The following ANKRD2 variants were observed in gnomAD, a reference collection of about 807,000 sequenced individuals.
ANKRD2 encodes ankyrin repeat domain-containing protein 2.
ANKRD2 carries 35 observed loss-of-function variants against 37.3 expected under a neutral mutation model. The ratio of observed to expected loss-of-function variants is 0.94; its 90% CI spans 0.72 to 1.24. The LOEUF is 1.24. ANKRD2 is among the 50% of genes most tolerant of loss of function. The pLI is 0.00. For synonymous variants in ANKRD2, 159 were observed against 186.5 expected (o/e 0.85, Z 1.20); for missense variants, 410 against 445.6 (o/e 0.92, Z 0.72).
Position 97,582,357 on chromosome 10 carries a change from G to A in ANKRD2, c.697G>A (p.Val233Met), listed in dbSNP as rs1201965823. ...PLHVAVRTGQ[V>M]EIVEHFLSLG... ...GCACGTGGCAGTCCGGACAGGGCAG[G>A]TGGAGATTGTGGAGCACTTTCTATC... Residue 233 changes from valine (V) to methionine (M), a missense_variant, in exon 7 of 9, where the codon GTG becomes ATG. Val to Met is a conservative substitution (Grantham distance 21). Coordinates refer to ENST00000370655, the MANE Select transcript of ANKRD2 (RefSeq NM_001346793.2). 4.5e-6 allele frequency: 7 copies of A among 1,561,214 alleles called. No individual in the cohort carries two copies. In the African/African-American group the frequency reaches 5.4e-5, roughly 12 times the overall value.
At chr10:97,577,981 G>T in intron 2 of ANKRD2, 80 bp downstream of exon 2, 1 of 1,376,492 alleles carries the variant, frequency 7.3e-7, no homozygotes, top group Admixed American at 2.3e-5. Flanking sequence ...TCCCCACGTG[G>T]CCCATGGACC....
rs765212446 is a variant in ANKRD2 at position 97,578,277 on chromosome 10, G to A, written c.227G>A (p.Arg76Gln). Residue 76 changes from arginine to glutamine, a missense_variant, in exon 3 of 9, where the codon CGG (arginine) becomes CAG (glutamine). By Grantham distance (43) the Arg-to-Gln change is conservative. Transcript: ENST00000370655. Reference sequence around the variant, plus strand: ...GTGCGCAAGACGTCCCTGGACCTGCGGCGGGAGATCATCGATGTGGGCGGG... The same window carrying A: ...GTGCGCAAGACGTCCCTGGACCTGCAGCGGGAGATCATCGATGTGGGCGGG... ...ERVRKTSLDL[R>Q]REIIDVGGIQ... 7 of 1,612,870 alleles carry A rather than the reference G, an allele frequency of 4.3e-6. No individual in the cohort carries two copies. The highest frequency in any genetic ancestry group is 1.1e-5 in the South Asian group (1 of 91,072).
At chr10:97,582,765 C>T (rs548960057) in intron 8 of ANKRD2, 63 bp downstream of exon 8, 74 of 1,488,978 alleles carry the variant, frequency 5.0e-5, no homozygotes, top group Admixed American at 4.0e-4. Flanking sequence ...GAGGTGCTGT[C>T]CTGGTCCCTG....
In ANKRD2 at chr10:97,580,706, A is replaced by G. The variant is rs1469702784; in HGVS notation, c.457-149A>G. 27 of 630,908 alleles carry G rather than the reference A, an allele frequency of 4.3e-5. No homozygotes were observed. The Admixed American group carries it at 7.0e-4, about 16-fold the overall frequency. 39.1% of individuals were successfully genotyped at this position (630,908 alleles called of 1,614,324 possible). On this transcript the variant is annotated intron_variant, in intron 4 of 8. Transcript: ENST00000370655. Reference sequence around the variant, plus strand: ...GCTCCCAGGCTGGTCTGGATAGAGCATAAGGGAGCTGGCAGAACACAGAAA... The same window carrying G: ...GCTCCCAGGCTGGTCTGGATAGAGCGTAAGGGAGCTGGCAGAACACAGAAA...
chr10:97,572,571 C>G (rs1412868550), upstream of ANKRD2: 1 of 1,094,978 alleles, frequency 9.1e-7, no homozygotes, highest in African/African-American at 1.6e-5. Context: ...GACACAGTGC[C>G]CTCCGGCTCT....
intron 1 of ANKRD2, among the ~76,000 whole-genome samples, chr10:97,576,760 G>A (rs1242233921): frequency 6.6e-6 from 1 of 151,284 alleles, no homozygotes; most frequent in African/African-American, 2.4e-5. Flanking sequence ...ATAGTGGCAC[G>A]ATCTTGGCTC....
At chr10:97,580,554 A>AT (rs199783327) in intron 4 of ANKRD2, among the ~76,000 whole-genome samples, 2,110 of 152,240 alleles carry the variant, frequency 0.014, 16 homozygotes, top group Admixed American at 0.027. Flanking sequence ...GGAGTAGCAG[A>AT]TTTTATCAAG....
chr10:97,573,673 C>CA (rs1489164366), intron 1 of ANKRD2, among the ~76,000 whole-genome samples: 1 of 152,170 alleles, frequency 6.6e-6, no homozygotes, highest in Non-Finnish European at 1.5e-5. Flanking sequence ...ATGATCCACC[C>CA]ACCTTGGCCT....
In ANKRD2 at chr10:97,577,815, G is replaced by A. The variant is rs7094973; in HGVS notation, c.103G>A (p.Ala35Thr). The part of the protein sequence containing the change: ...EEENEKLRGD[A>T]RQKLPMDLLV... ...GGATCACCAGAAACTCCGAGGAGACGCACGCCAGAAGCTGCCCATGGACTT... is the reference window on the plus strand; with the variant it reads ...GGATCACCAGAAACTCCGAGGAGACACACGCCAGAAGCTGCCCATGGACTT... Residue 35 changes from alanine to threonine, a missense_variant, in exon 2 of 9, where the codon GCA becomes ACA. By Grantham distance (58) the Ala-to-Thr change is moderately conservative (BLOSUM62 0). Transcript: ENST00000370655. 0.65 allele frequency: 1,013,996 copies of A among 1,564,036 alleles called. 338,443 individuals carry two copies. The highest frequency in any genetic ancestry group is 0.7 in the Non-Finnish European group (803,386 of 1,154,036).
In ANKRD2 at chr10:97,583,665, C is replaced by T. The variant is rs201529513; in HGVS notation, c.942C>T (p.Asn314=). 58 of 1,605,038 alleles carry T rather than the reference C, an allele frequency of 3.6e-5. No individual in the cohort carries two copies. The East Asian group carries it at 7.9e-4, about 22-fold the overall frequency. ...LEHPEPGAEH[N]GLEGPNDSGR... is the part of the protein sequence containing the mutation. The stretch of plus-strand genomic sequence containing the variant: ...ATCCTGAGCCGGGGGCTGAGCATAA[C>T]GGGCTGGAGGGGCCTAATGATAGTG... Residue 314 remains asparagine (N), a synonymous_variant, in exon 9 of 9, where the codon AAC becomes AAT. Transcript: ENST00000370655.
intron 1 of ANKRD2, among the ~76,000 whole-genome samples, chr10:97,574,422 C>T (rs553170441): frequency 2.0e-5 from 3 of 152,200 alleles, no homozygotes; most frequent in South Asian, 2.1e-4. Context: ...TGAGTGAAAG[C>T]GTGGCTGTCT....
chr10:97,580,118 A>G (rs935181848), intron 4 of ANKRD2, among the ~76,000 whole-genome samples: 10 of 152,100 alleles, frequency 6.6e-5, no homozygotes, highest in African/African-American at 2.2e-4. Context: ...AGTCTGTCCA[A>G]CTACCTCCTA....
At chr10:97,576,251 C>G (rs575608551) in intron 1 of ANKRD2, among the ~76,000 whole-genome samples, 1 of 152,358 alleles carries the variant, frequency 6.6e-6, no homozygotes, top group South Asian at 2.1e-4. Flanking sequence ...ACTCAGGACC[C>G]TCCAACCTGG....
chr10:97,582,756 A>T, intron 8 of ANKRD2, 54 bp downstream of exon 8: 7 of 1,545,960 alleles, frequency 4.5e-6, no homozygotes, highest in Non-Finnish European at 6.3e-6. Flanking sequence ...CATACAGTGG[A>T]GGTGCTGTCC....
chr10:97,574,158 C>A (rs775587278), intron 1 of ANKRD2, among the ~76,000 whole-genome samples: 3 of 152,194 alleles, frequency 2.0e-5, no homozygotes, highest in Non-Finnish European at 4.4e-5. Context: ...TGTCAGGCAC[C>A]TGTAATCCCA....
At position 97,580,947 on chromosome 10, in the gene ANKRD2, G is replaced by C. The variant is rs768598970; in HGVS notation, c.549G>C (p.Gln183His). The C allele has an allele frequency of 6.3e-7, 1 of 1,589,620 alleles. No individual in the cohort carries two copies. The highest frequency in any genetic ancestry group is 8.6e-7 in the Non-Finnish European group (1 of 1,167,924). ...ATAATGGGGCCACTGTGGACTTCCA[G>C]GATCGGGTGAGTGAGAGGGCAGGTA... ...LLDNGATVDF[Q>H]DRLDCTAMHW... Residue 183 changes from glutamine to histidine, a missense_variant, in exon 5 of 9, where the codon CAG becomes CAC. By Grantham distance (24) the Gln-to-His change is conservative. Coordinates refer to ENST00000370655, the MANE Select transcript of ANKRD2 (RefSeq NM_001346793.2).
chr10:97,578,376 C>T lies in ANKRD2; in HGVS notation c.326C>T (p.Pro109Leu), dbSNP rs1424183533. Residue 109 changes from proline (P) to leucine (L), a missense_variant, in exon 3 of 9, where the codon CCG (proline) becomes CTG (leucine). Pro to Leu is a moderately conservative substitution (Grantham distance 98). Coordinates refer to ENST00000370655, the MANE Select transcript of ANKRD2 (RefSeq NM_001346793.2). ...KRDALAASHE[P>L]PPEPEEITGP... ...GACGCTCTGGCCGCCTCGCATGAGCCGCCCCCAGAGCCCGAGGAGATCGTA... is the reference window on the plus strand; with the variant it reads ...GACGCTCTGGCCGCCTCGCATGAGCTGCCCCCAGAGCCCGAGGAGATCGTA... The T allele has an allele frequency of 6.2e-7, 1 of 1,613,778 alleles. No individual in the cohort carries two copies. Among genetic ancestry groups the T allele is most frequent in the South Asian group, 1.1e-5 (1 of 91,072 alleles).
chr10:97,579,732 C>T (rs1016357740), intron 4 of ANKRD2, among the ~76,000 whole-genome samples: 9 of 152,050 alleles, frequency 5.9e-5, no homozygotes, highest in Middle Eastern at 3.4e-3. Flanking sequence ...GGATTACAGG[C>T]GCCCGCCACC....
upstream of ANKRD2, chr10:97,572,657 G>A: frequency 6.4e-7 from 1 of 1,557,510 alleles, no homozygotes; most frequent in Non-Finnish European, 8.7e-7. Context: ...GGCTGCCCGA[G>A]GTGAAGGTGA....
Sources: allele counts gnomAD v4.1 joint callset (sites outside exome capture counted in the v4.1 genomes callset), GRCh38; gene constraint gnomAD v4.1.1; transcripts MANE v1.5; gene names NCBI Gene and HGNC (gene_info 2026-07-23, HGNC 2026-07-21).